NELL1: variants seen among roughly 807,000 people sequenced by gnomAD.
NELL1 encodes protein kinase C-binding protein NELL1.
A neutral mutation model predicts 107.4 loss-of-function variants in NELL1; 76 were observed. The ratio of observed to expected loss-of-function variants is 0.71; its 90% CI spans 0.59 to 0.86. The LOEUF (loss-of-function observed/expected upper bound fraction) is 0.86. NELL1 is among the 40% of genes least tolerant of loss of function. NELL1 has a pLI of 0.00. For missense variants in NELL1, 1,024 were observed against 1,005.5 expected, an observed-to-expected ratio of 1.02 and a Z score of -0.25; for synonymous variants, 353 against 341.2, an observed-to-expected ratio of 1.03 and a Z score of -0.38.
intron 3 of NELL1, among the ~76,000 whole-genome samples, chr11:20,844,088 A>C (rs1848665041): frequency 6.6e-6 from 1 of 152,214 alleles, no homozygotes; most frequent in Non-Finnish European, 1.5e-5. Flanking sequence ...AGCTCAGAGC[A>C]AAGCAGGTGA....
chr11:21,337,144 A>G (rs1240016301), intron 14 of NELL1, among the ~76,000 whole-genome samples: 1 of 152,116 alleles, frequency 6.6e-6, no homozygotes, highest in Non-Finnish European at 1.5e-5. Flanking sequence ...TTGAGAGTAC[A>G]GAGTGCAGTA....
At chr11:21,187,527 A>T (rs1408808782) in intron 13 of NELL1, among the ~76,000 whole-genome samples, 1 of 151,844 alleles carries the variant, frequency 6.6e-6, no homozygotes, top group African/African-American at 2.4e-5. Flanking sequence ...CTATTAAGCA[A>T]TTAATACCTC....
chr11:21,040,898 G>A (rs919179332), intron 12 of NELL1, among the ~76,000 whole-genome samples: 2 of 152,136 alleles, frequency 1.3e-5, no homozygotes, highest in African/African-American at 4.8e-5. Flanking sequence ...AATGATTAAG[G>A]GAGAGCAGAG....
intron 2 of NELL1, among the ~76,000 whole-genome samples, chr11:20,755,814 C>G (rs1856265719): frequency 6.7e-6 from 1 of 149,996 alleles, no homozygotes; most frequent in Non-Finnish European, 1.5e-5. Context: ...CCTTGGCATC[C>G]CAAAGTGCTG....
At chr11:21,032,288 T>C (rs2134318761) in intron 12 of NELL1, among the ~76,000 whole-genome samples, 1 of 152,228 alleles carries the variant, frequency 6.6e-6, no homozygotes, top group South Asian at 2.1e-4. Flanking sequence ...TTCTTTATTG[T>C]GGGTTGCTAC....
At chr11:21,488,861 G>A (rs1213195351) in intron 15 of NELL1, among the ~76,000 whole-genome samples, 1 of 151,936 alleles carries the variant, frequency 6.6e-6, no homozygotes, top group Non-Finnish European at 1.5e-5. Flanking sequence ...ATAACCTAAT[G>A]ATGCACCTTA....
At chr11:21,159,032 A>C (rs999575768) in intron 13 of NELL1, among the ~76,000 whole-genome samples, 6 of 152,060 alleles carry the variant, frequency 3.9e-5, no homozygotes, top group Admixed American at 3.9e-4. Context: ...CTCGTGTTTC[A>C]GTTCTAATGA....
At chr11:21,491,068 G>A (rs1037715653) in intron 15 of NELL1, among the ~76,000 whole-genome samples, 4 of 152,034 alleles carry the variant, frequency 2.6e-5, no homozygotes, top group Non-Finnish European at 4.4e-5. Flanking sequence ...CTAACATTCA[G>A]AATATTCAAG....
At chr11:20,874,521 A>G (rs1448648424) in intron 4 of NELL1, among the ~76,000 whole-genome samples, 1 of 152,198 alleles carries the variant, frequency 6.6e-6, no homozygotes, top group African/African-American at 2.4e-5. Flanking sequence ...TGAGTATAGC[A>G]ATGCTTGTCT....
intron 13 of NELL1, among the ~76,000 whole-genome samples, chr11:21,177,141 T>C (rs909946389): frequency 6.6e-6 from 1 of 151,776 alleles, no homozygotes; most frequent in African/African-American, 2.4e-5. Flanking sequence ...TTTTGAGGAA[T>C]TTAGAAATAC....
intron 12 of NELL1, among the ~76,000 whole-genome samples, chr11:21,053,682 C>G (rs1005941190): frequency 1.3e-5 from 2 of 152,148 alleles, no homozygotes; most frequent in African/African-American, 4.8e-5. Flanking sequence ...CTGTCACTTT[C>G]AAGAGCATCC....
At chr11:21,054,651 C>T (rs1172620612) in intron 12 of NELL1, among the ~76,000 whole-genome samples, 1 of 151,928 alleles carries the variant, frequency 6.6e-6, no homozygotes, top group Non-Finnish European at 1.5e-5. Context: ...CAAGCGAGAG[C>T]CCATTTTTGT....
In NELL1 at chr11:21,052,609, T is replaced by G. The variant is rs538465404; in HGVS notation, c.1301-60980T>G. Among the ~76,000 whole-genome samples, 12 of 152,262 alleles carry G rather than the reference T, an allele frequency of 7.9e-5. No individual in the cohort carries two copies. The South Asian group carries it at 2.3e-3, about 29-fold the overall frequency. On this transcript the variant is annotated intron_variant, in intron 12 of 19. Coordinates refer to ENST00000357134, the MANE Select transcript of NELL1 (RefSeq NM_006157.5). ...AATAGTGAGGAAGGAAATCTCCAGC[T>G]GTGCTGTGAAGGAAATAAAGTGGGT...
At chr11:21,013,271 C>T (rs574842477) in intron 12 of NELL1, among the ~76,000 whole-genome samples, 9 of 152,224 alleles carry the variant, frequency 5.9e-5, no homozygotes, top group East Asian at 3.9e-4. Flanking sequence ...TTTGGCCACC[C>T]GCTGGGACCT....
chr11:20,807,400 C>A (rs1457318783), intron 3 of NELL1, among the ~76,000 whole-genome samples: 1 of 152,138 alleles, frequency 6.6e-6, no homozygotes. Flanking sequence ...TTTTCTCCCC[C>A]AAAAAACAGA....
chr11:21,360,912 G>A (rs1209044817), intron 14 of NELL1, among the ~76,000 whole-genome samples: 1 of 152,122 alleles, frequency 6.6e-6, no homozygotes, highest in Non-Finnish European at 1.5e-5. Flanking sequence ...TATCCATTCT[G>A]CCATTCTGCA....
At chr11:21,126,124 G>T (rs975486969) in intron 13 of NELL1, among the ~76,000 whole-genome samples, 1 of 152,134 alleles carries the variant, frequency 6.6e-6, no homozygotes, top group Non-Finnish European at 1.5e-5. Flanking sequence ...TTGGTGGTGA[G>T]GCAGAGATAG....
At chr11:20,911,774 G>A (rs1285090623) in intron 5 of NELL1, among the ~76,000 whole-genome samples, 2 of 152,096 alleles carry the variant, frequency 1.3e-5, no homozygotes. Context: ...CTTTCCATGG[G>A]GCAGCTTTCA....
chr11:21,355,380 G>A (rs1188679538), intron 14 of NELL1, among the ~76,000 whole-genome samples: 2 of 152,178 alleles, frequency 1.3e-5, no homozygotes, highest in African/African-American at 2.4e-5. Flanking sequence ...CTCACTATGG[G>A]TGGGCACTAT....
Sources: allele counts gnomAD v4.1 joint callset (sites outside exome capture counted in the v4.1 genomes callset), GRCh38; gene constraint gnomAD v4.1.1; transcripts MANE v1.5; gene names NCBI Gene and HGNC (gene_info 2026-07-23, HGNC 2026-07-21).